SVEP1: variants seen among roughly 807,000 people sequenced by gnomAD.
The protein encoded by SVEP1 is sushi, von Willebrand factor type A, EGF and pentraxin domain containing 1, also known as sushi, von Willebrand factor type A, EGF and pentraxin domain-containing protein 1.
Under a neutral mutation model 367.3 loss-of-function variants are expected in SVEP1, and 164 were observed. That is an observed-to-expected ratio of 0.45 (90% CI 0.39 to 0.51). The LOEUF (loss-of-function observed/expected upper bound fraction) is 0.51. Among genes scored for constraint, SVEP1 ranks in the 20% least tolerant of loss-of-function variants. SVEP1 has a pLI of 0.00. For missense variants in SVEP1, 4,117 were observed against 4,425.3 expected (o/e 0.93, Z 1.98); for synonymous variants, 1,666 against 1,611.6 (o/e 1.03, Z -0.81).
Position 110,445,961 on chromosome 9 carries a change from A to G in SVEP1, c.4339T>C (p.Ser1447Pro), listed in dbSNP as rs371322505. The change falls in exon 26 of 48, where the codon TCT becomes CCT. Residue 1447 changes from serine (S) to proline (P), a missense_variant. Around this residue, in one of 4 missense-constraint regions of SVEP1, gnomAD observed 2,174 missense variants for 2,494.3 expected, o/e 0.87. Transcript: ENST00000374469. ...AAGGTACAGGTTAGAGCATGGAGAG[A>G]TGGGAGCATGCCATCTAGCATGACA... ...GYVMLDGMLP[S>P]LHALTCTFWM... 7 of 1,613,782 alleles carry G rather than the reference A, an allele frequency of 4.3e-6. No homozygotes were observed. The highest frequency in any genetic ancestry group is 1.6e-4 in the Middle Eastern group (1 of 6,084).
In SVEP1 at chr9:110,479,679, T is replaced by C. The variant is rs749083830; in HGVS notation, c.2443A>G (p.Met815Val). The C allele has an allele frequency of 3.0e-5, 48 of 1,610,614 alleles. No individual in the cohort carries two copies. The highest frequency in any genetic ancestry group is 3.9e-5 in the Non-Finnish European group (46 of 1,178,754). ...KAARCDDTDL[M>V]KKFSEAFETT... is the part of the protein sequence containing the mutation. ...TCAAATGCTTCAGAAAACTTCTTCA[T>C]CAGATCTGTGTCATCACAACGAGCT... Residue 815 changes from methionine (M) to valine (V), a missense_variant, in exon 13 of 48, where the codon ATG becomes GTG. Coordinates refer to ENST00000374469, the MANE Select transcript of SVEP1 (RefSeq NM_153366.4).
At chr9:110,451,953 A>T (rs1451038794) in intron 22 of SVEP1, among the ~76,000 whole-genome samples, 1 of 152,240 alleles carries the variant, frequency 6.6e-6, no homozygotes, top group Non-Finnish European at 1.5e-5. Context: ...AGATCCAAAG[A>T]GGTCTGTGAC....
intron 8 of SVEP1, among the ~76,000 whole-genome samples, chr9:110,491,434 C>T (rs1829364264): frequency 6.6e-6 from 1 of 151,754 alleles, no homozygotes. Flanking sequence ...TTTCACCTGC[C>T]AATGTTTTAT....
chr9:110,476,481 TCTAA>T (rs1829098203), intron 13 of SVEP1, among the ~76,000 whole-genome samples, 166 bp from the exon 14 acceptor site: 1 of 152,176 alleles, frequency 6.6e-6, no homozygotes, highest in Middle Eastern at 3.2e-3. Flanking sequence ...CCCTACAGCC[TCTAA>T]CTGTCTGTTG....
intron 18 of SVEP1, among the ~76,000 whole-genome samples, chr9:110,464,358 A>G (rs1401665616): frequency 6.6e-6 from 1 of 152,204 alleles, no homozygotes; most frequent in Non-Finnish European, 1.5e-5. Flanking sequence ...TCTCAGACTT[A>G]TATCTACCTT....
chr9:110,366,486 C>CCTGGATCCTGGA lies in SVEP1; in HGVS notation c.*52_*53insTCCAGGATCCAG, dbSNP rs1827201485. The CCTGGATCCTGGA allele has an allele frequency of 1.3e-6, 2 of 1,497,310 alleles. No individual in the cohort carries two copies. Among genetic ancestry groups the CCTGGATCCTGGA allele is most frequent in the African/African-American group, 2.8e-5 (2 of 70,680 alleles). The allele number at this position is 1,497,310 out of a possible 1,614,324, so 92.8% of individuals were successfully genotyped here. On this transcript the variant is annotated 3_prime_UTR_variant, in exon 48 of 48. Transcript: ENST00000374469. The stretch of plus-strand genomic sequence containing the variant: ...GCATAAGTTCCAGGATGCCCAGGCA[C>CCTGGATCCTGGA]TACCGAGGAGAGATGATCCTGCTTT...
At position 110,499,175 on chromosome 9, in the gene SVEP1, T is replaced by C. The variant is rs1415843220; in HGVS notation, c.1547A>G (p.Lys516Arg). 2 of 1,613,612 alleles carry C rather than the reference T, an allele frequency of 1.2e-6. No homozygotes were observed. Among genetic ancestry groups the C allele is most frequent in the Admixed American group, 3.3e-5 (2 of 59,938 alleles). Residue 516 changes from lysine to arginine, a missense_variant, in exon 7 of 48, where the codon AAG (lysine) becomes AGG (arginine). Around this residue, in one of 4 missense-constraint regions of SVEP1, gnomAD observed 2,174 missense variants for 2,494.3 expected, o/e 0.87. Coordinates refer to ENST00000374469, the MANE Select transcript of SVEP1 (RefSeq NM_153366.4). Reference protein sequence around the residue: ...DVIISPHNCGKQPAKFGTICY... With the variant: ...DVIISPHNCGRQPAKFGTICY... ...GATCGTCCCAAATTTGGCTGGCTGC[T>C]TGCCACAGTTGTGGGGGGATATGAT...
chr9:110,423,347 C>T (rs987897342), intron 36 of SVEP1, among the ~76,000 whole-genome samples: 1 of 151,766 alleles, frequency 6.6e-6, no homozygotes, highest in African/African-American at 2.4e-5. Context: ...ACATGAAACT[C>T]AAATGGAAGG....
intron 43 of SVEP1, among the ~76,000 whole-genome samples, chr9:110,381,762 C>T (rs951624686): frequency 3.9e-5 from 6 of 151,904 alleles, no homozygotes; most frequent in South Asian, 2.1e-4. Flanking sequence ...TTTTCTGTCT[C>T]GATGATCTAA....
At chr9:110,440,418 T>C (rs1249505804) in intron 27 of SVEP1, among the ~76,000 whole-genome samples, 1 of 152,198 alleles carries the variant, frequency 6.6e-6, no homozygotes, top group Non-Finnish European at 1.5e-5. Flanking sequence ...GCTGGTTAAA[T>C]TCAGCAGATG....
Position 110,408,092 on chromosome 9 carries a change from T to A in SVEP1, c.7508A>T (p.Glu2503Val). ...CKAIECLKPK[E>V]ILNGKFSYTD... is the part of the protein sequence containing the mutation. ...GTAAGAGAATTTGCCATTCAAAATC[T>A]CCTTGGGTTTCAGGCACTCAATGGC... The change falls in exon 38 of 48, where the codon GAG becomes GTG. Residue 2503 changes from glutamate (E) to valine (V), a missense_variant. Glu to Val is a moderately radical substitution (Grantham distance 121, BLOSUM62 -2). Coordinates refer to ENST00000374469, the MANE Select transcript of SVEP1 (RefSeq NM_153366.4). The A allele has an allele frequency of 6.2e-7, 1 of 1,613,924 alleles. No individual in the cohort carries two copies. The highest frequency in any genetic ancestry group is 1.1e-5 in the South Asian group (1 of 91,050).
chr9:110,514,099 T>C lies in SVEP1; in HGVS notation c.972A>G (p.Pro324=), dbSNP rs759589539. The C allele has an allele frequency of 2.5e-6, 4 of 1,609,142 alleles. No homozygotes were observed. Among genetic ancestry groups the C allele is most frequent in the African/African-American group, 2.7e-5 (2 of 74,894 alleles). ...KGLQYECTAC[P]SGTYKPEGSP... is the part of the protein sequence containing the mutation. ...AGCCTTCAGGTTTGTATGTCCCCGA[T>C]GGGCAAGCTGTGGGCAGACAAGCCG... Residue 324 remains proline, a synonymous_variant, in exon 4 of 48, where the codon CCA becomes CCG. Coordinates refer to ENST00000374469, the MANE Select transcript of SVEP1 (RefSeq NM_153366.4).
intron 1 of SVEP1, among the ~76,000 whole-genome samples, chr9:110,557,922 G>A (rs1027641068): frequency 6.6e-6 from 1 of 152,080 alleles, no homozygotes; most frequent in African/African-American, 2.4e-5. Context: ...CATTTGTTCT[G>A]TTACATACAG....
intron 8 of SVEP1, among the ~76,000 whole-genome samples, chr9:110,490,384 G>A (rs1022828254): frequency 2.0e-5 from 3 of 151,898 alleles, no homozygotes; most frequent in Non-Finnish European, 4.4e-5. Context: ...ATCGATTATC[G>A]TAAACTATGG....
At chr9:110,492,842 A>T (rs772670748) in intron 8 of SVEP1, among the ~76,000 whole-genome samples, 80 of 152,116 alleles carry the variant, frequency 5.3e-4, no homozygotes, top group Non-Finnish European at 1.1e-3. Context: ...AAATCCATAG[A>T]TTCACCCCAA....
At chr9:110,422,989 A>C (rs1361315327) in intron 36 of SVEP1, among the ~76,000 whole-genome samples, 5 of 126,774 alleles carry the variant, frequency 3.9e-5, no homozygotes, top group Non-Finnish European at 8.2e-5. Context: ...GGGAGCGGGG[A>C]GGGATAGCAT....
chr9:110,475,539 CTTT>C (rs59063882), intron 14 of SVEP1, among the ~76,000 whole-genome samples: 1 of 144,352 alleles, frequency 6.9e-6, no homozygotes. Context: ...TTATTATTAT[CTTT>C]TTTTTTTTTT....
intron 36 of SVEP1, among the ~76,000 whole-genome samples, chr9:110,414,416 G>T (rs572143864): frequency 6.6e-6 from 1 of 152,074 alleles, no homozygotes; most frequent in South Asian, 2.1e-4. Flanking sequence ...TGAATACTCA[G>T]ACATTCCCAA....
At chr9:110,449,283 T>C (rs554880116) in intron 24 of SVEP1, among the ~76,000 whole-genome samples, 2 of 152,322 alleles carry the variant, frequency 1.3e-5, no homozygotes, top group East Asian at 1.9e-4. Context: ...AAGCTTAGCT[T>C]TGATTATTTT....
Sources: allele counts gnomAD v4.1 joint callset (sites outside exome capture counted in the v4.1 genomes callset), GRCh38; gene constraint gnomAD v4.1.1; regional missense constraint gnomAD v4.1.1; transcripts MANE v1.5; gene names NCBI Gene and HGNC (gene_info 2026-07-23, HGNC 2026-07-21).